Variants in FAN1 observed in about 807,000 individuals in gnomAD.
FAN1 encodes FANCD2 and FANCI associated nuclease 1.
In FAN1, 91 loss-of-function variants were observed where a neutral mutation model predicts 104.9. That is an observed-to-expected ratio of 0.87 (90% CI 0.73 to 1.03). The LOEUF (loss-of-function observed/expected upper bound fraction) is 1.03. FAN1 is among the 50% of genes least tolerant of loss of function. FAN1 has a pLI of 0.00. For synonymous variants in FAN1, 478 were observed against 457.6 expected (o/e 1.04, Z -0.57); for missense variants, 1,263 against 1,239.9 (o/e 1.02, Z -0.28).
At chr15:30,909,069 C>G (rs2062042120) in intron 3 of FAN1, among the ~76,000 whole-genome samples, 1 of 152,004 alleles carries the variant, frequency 6.6e-6, no homozygotes. Flanking sequence ...TAAGGAGAGT[C>G]TATCTTCTGC....
intron 10 of FAN1, chr15:30,928,027 G>A: frequency 2.0e-6 from 2 of 989,274 alleles, no homozygotes; most frequent in Non-Finnish European, 2.4e-6. Flanking sequence ...CTAGGGCAGT[G>A]TAGTACCCAG....
intron 3 of FAN1, among the ~76,000 whole-genome samples, chr15:30,908,782 G>A (rs2062036704): frequency 2.0e-5 from 3 of 152,166 alleles, no homozygotes; most frequent in Non-Finnish European, 2.9e-5. Context: ...CTGAGGTTGC[G>A]GTGAGCTGAG....
rs113388913 is a variant in FAN1, at chr15:30,927,286, C to T, written c.2489-1267C>T. ...CTGATCGTCAGTGTATTCACCAGGA[C>T]GGAACACTGACTGGAAATCAGGTCC... On this transcript the variant is annotated intron_variant, in intron 10 of 14. Transcript: ENST00000362065. 7.3e-4 allele frequency: 718 copies of T among 985,404 alleles called. 3 individuals are homozygous for T. The African/African-American group carries it at 7.5e-3, about 10-fold the overall frequency. 61.0% of individuals were successfully genotyped at this position (985,404 alleles called of 1,614,324 possible).
rs951169696 is a variant in FAN1, at chr15:30,942,221, C to T, written c.*659C>T. 3 of 964,156 alleles carry T rather than the reference C, an allele frequency of 3.1e-6. No homozygotes were observed. In the African/African-American group the frequency reaches 4.9e-5, roughly 16 times the overall value. 59.7% of individuals were successfully genotyped at this position (964,156 alleles called of 1,614,324 possible). ...TCCTCCCTTCCTTTGTGTCCTTATTCTAATCCTCCTCCCCTGGAATTACAC... is the reference window on the plus strand; with the variant it reads ...TCCTCCCTTCCTTTGTGTCCTTATTTTAATCCTCCTCCCCTGGAATTACAC... On this transcript the variant is annotated 3_prime_UTR_variant, in exon 15 of 15. Transcript: ENST00000362065.
In FAN1 at chr15:30,925,942, A is replaced by T; in HGVS notation, c.2488+3A>T. ...CAGACGCAGCGGTTTTGACCAGGGT[A>T]ACTGAGCAGGCTTTCTCTTGTGGCA... On this transcript the variant is annotated splice_donor_region_variant and intron_variant, in intron 10 of 14. Coordinates refer to ENST00000362065, the MANE Select transcript of FAN1 (RefSeq NM_014967.5). The T allele has an allele frequency of 1.2e-6, 2 of 1,614,056 alleles. No individual in the cohort carries two copies. Among genetic ancestry groups the T allele is most frequent in the Non-Finnish European group, 1.7e-6 (2 of 1,179,944 alleles).
chr15:30,905,773 C>G lies in FAN1; in HGVS notation c.1110C>G (p.Thr370=). The G allele has an allele frequency of 6.2e-7, 1 of 1,614,180 alleles. No individual in the cohort carries two copies. The highest frequency in any genetic ancestry group is 8.5e-7 in the Non-Finnish European group (1 of 1,180,014). ...GCTGCAATGGTCCTGGTCAAACAAC[C>G]GGTCATCCTTACTACCTTCGGAGTT... is the stretch of plus-strand genomic sequence containing the variant. ...GSSCNGPGQT[T]GHPYYLRSFL... is the part of the protein sequence containing the mutation. Residue 370 remains threonine, a synonymous_variant, in exon 2 of 15, where the codon ACC becomes ACG. Transcript: ENST00000362065.
chr15:30,929,481 C>T (rs2062558376), intron 12 of FAN1, 84 bp downstream of exon 12: 2 of 991,690 alleles, frequency 2.0e-6, no homozygotes, highest in Non-Finnish European at 3.0e-6. Context: ...TATCAAAATA[C>T]ACATGTGTGT....
chr15:30,934,631 G>A (rs780278942), intron 13 of FAN1, among the ~76,000 whole-genome samples: 7 of 152,108 alleles, frequency 4.6e-5, no homozygotes, highest in African/African-American at 1.2e-4. Flanking sequence ...TTCACCTGCC[G>A]TGGTCTCTTA....
At chr15:30,936,311 G>A (rs1242827592) in intron 13 of FAN1, among the ~76,000 whole-genome samples, 2 of 152,182 alleles carry the variant, frequency 1.3e-5, no homozygotes, top group East Asian at 3.9e-4. Flanking sequence ...AGTCAGGCAT[G>A]TCAAGAACAG....
At chr15:30,939,666 G>A (rs201843365) in intron 14 of FAN1, 10 of 486,690 alleles carry the variant, frequency 2.1e-5, no homozygotes, top group African/African-American at 2.7e-5. Context: ...TAAAATAAAC[G>A]TGAAGGAAGA....
intron 2 of FAN1, among the ~76,000 whole-genome samples, chr15:30,907,174 G>A (rs1278232701): frequency 1.3e-5 from 2 of 151,546 alleles, no homozygotes; most frequent in African/African-American, 4.9e-5. Context: ...TTGAACTCTT[G>A]GTCCCAAGCG....
intron 13 of FAN1, among the ~76,000 whole-genome samples, chr15:30,936,180 T>C (rs980226688): frequency 1.3e-5 from 2 of 152,192 alleles, no homozygotes; most frequent in Non-Finnish European, 2.9e-5. Flanking sequence ...CTTGCCTTCA[T>C]GAAGATGACA....
rs1384476737 is a variant in FAN1 at position 30,925,944 on chromosome 15, C to G, written c.2488+5C>G. 4.3e-6 allele frequency: 7 copies of G among 1,613,854 alleles called. No homozygotes were observed. In the Admixed American group the frequency reaches 6.7e-5, roughly 15 times the overall value. On this transcript the variant is annotated splice_donor_5th_base_variant and intron_variant, in intron 10 of 14. Coordinates refer to ENST00000362065, the MANE Select transcript of FAN1 (RefSeq NM_014967.5). ...GACGCAGCGGTTTTGACCAGGGTAA[C>G]TGAGCAGGCTTTCTCTTGTGGCACC...
At chr15:30,936,146 G>A (rs1200775040) in intron 13 of FAN1, among the ~76,000 whole-genome samples, 1 of 152,002 alleles carries the variant, frequency 6.6e-6, no homozygotes, top group Non-Finnish European at 1.5e-5. Flanking sequence ...GTCTAGTGAT[G>A]TGTAGTGAAC....
intron 12 of FAN1, 152 bp from the exon 13 acceptor site, chr15:30,930,391 G>GTGTA (rs1387323578): frequency 1.2e-6 from 1 of 840,922 alleles, no homozygotes; most frequent in African/African-American, 1.8e-5. Context: ...TGCAGCTCTG[G>GTGTA]TACAAGCAGC....
chr15:30,912,061 C>CA (rs34122129), intron 4 of FAN1, among the ~76,000 whole-genome samples: 1,361 of 133,590 alleles, frequency 0.01, 14 homozygotes, highest in African/African-American at 0.019. Flanking sequence ...GACTCCATCT[C>CA]AAAAAAAAAA....
chr15:30,940,760 C>G, intron 14 of FAN1: 2 of 989,062 alleles, frequency 2.0e-6, no homozygotes, highest in Non-Finnish European at 2.4e-6. Context: ...GATTTTCCCA[C>G]CCCAATTTTA....
intron 4 of FAN1, 101 bp downstream of exon 4, chr15:30,910,916 C>G: frequency 6.9e-7 from 1 of 1,441,188 alleles, no homozygotes. Flanking sequence ...TTGTTTATTT[C>G]AGTTGTAGTT....
chr15:30,904,425 A>G, intron 1 of FAN1, 87 bp from the exon 2 acceptor site: 3 of 595,840 alleles, frequency 5.0e-6, no homozygotes. Flanking sequence ...GTTACAGGAG[A>G]CCTTGCTCTT....
Sources: gnomAD v4.1 joint callset for allele counts (sites outside exome capture counted in the v4.1 genomes callset) on GRCh38, gnomAD v4.1.1 for gene constraint, MANE v1.5 for transcripts, NCBI Gene and HGNC (gene_info 2026-07-23, HGNC 2026-07-21) for gene names.